The following FAM241A variants were observed in gnomAD, a reference collection of about 807,000 sequenced individuals.
The protein encoded by FAM241A is family with sequence similarity 241 member A, also known as uncharacterized protein FAM241A.
Under a neutral mutation model 12.2 loss-of-function variants are expected in FAM241A, and 7 were observed. The ratio of observed to expected loss-of-function variants is 0.58; its 90% CI spans 0.33 to 1.08. The LOEUF (loss-of-function observed/expected upper bound fraction) is 1.08, where lower values mean the gene tolerates loss of function less well. Among genes scored for constraint, FAM241A ranks in the 50% least tolerant of loss-of-function variants. FAM241A has a pLI of 0.04. For missense variants in FAM241A, 161 were observed against 169.7 expected (o/e 0.95, Z 0.29); for synonymous variants, 74 against 68.2 (o/e 1.08, Z -0.42).
At chr4:112,163,436 C>T (rs1578372875) in intron 1 of FAM241A, among the ~76,000 whole-genome samples, 1 of 152,150 alleles carries the variant, frequency 6.6e-6, no homozygotes, top group Admixed American at 6.5e-5. Flanking sequence ...TATACAGAAT[C>T]TACAAAGAAC....
chr4:112,190,282 T>C lies in FAM241A; in HGVS notation c.*3344T>C, dbSNP rs1185913438. ...AGCAATCAAAGGCTATTCGTGTGGT[T>C]CATAGATTGTTTTAATAGTTATTTT... is the stretch of plus-strand genomic sequence containing the variant. On this transcript the variant is annotated 3_prime_UTR_variant, in exon 2 of 2. Coordinates refer to ENST00000309733, the MANE Select transcript of FAM241A (RefSeq NM_152400.3). 2 of 152,224 alleles carry C rather than the reference T, an allele frequency of 1.3e-5. No individual in the cohort carries two copies. The highest frequency in any genetic ancestry group is 2.9e-5 in the Non-Finnish European group (2 of 68,036). The allele number at this position is 152,224 out of a possible 1,614,324, so 9.4% of individuals were successfully genotyped here. A position where few individuals can be genotyped will look rare whatever the true frequency, so the allele number is the denominator to read the frequency against.
chr4:112,170,604 T>C (rs1205263269), intron 1 of FAM241A, among the ~76,000 whole-genome samples: 1 of 152,186 alleles, frequency 6.6e-6, no homozygotes, highest in Non-Finnish European at 1.5e-5. Context: ...GACAAAAGCA[T>C]GAGTCATGTC....
At chr4:112,179,927 A>G (rs1053043345) in intron 1 of FAM241A, among the ~76,000 whole-genome samples, 3 of 127,628 alleles carry the variant, frequency 2.4e-5, no homozygotes, top group Admixed American at 8.3e-5. Flanking sequence ...ATATATATAT[A>G]TATATATATA....
At chr4:112,161,055 A>G (rs565586671) in intron 1 of FAM241A, among the ~76,000 whole-genome samples, 9 of 152,312 alleles carry the variant, frequency 5.9e-5, no homozygotes, top group South Asian at 2.1e-4. Flanking sequence ...AAAATGGACA[A>G]ATAGGCTCAC....
chr4:112,160,696 A>AT (rs1008126458), intron 1 of FAM241A, among the ~76,000 whole-genome samples: 4 of 152,214 alleles, frequency 2.6e-5, no homozygotes, highest in Non-Finnish European at 5.9e-5. Flanking sequence ...TGGTACTGGC[A>AT]TAAAAACAGA....
At chr4:112,158,277 G>T (rs551574257) in intron 1 of FAM241A, among the ~76,000 whole-genome samples, 5 of 152,154 alleles carry the variant, frequency 3.3e-5, no homozygotes, top group African/African-American at 4.8e-5. Flanking sequence ...GGCTTAAGTT[G>T]CTCTAACAAT....
At chr4:112,153,476 A>G (rs1325889727) in intron 1 of FAM241A, among the ~76,000 whole-genome samples, 1 of 152,142 alleles carries the variant, frequency 6.6e-6, no homozygotes, top group Non-Finnish European at 1.5e-5. Flanking sequence ...ACAGCCACCT[A>G]TCTCCGAAAA....
At chr4:112,186,663 C>T (rs753172124) in intron 1 of FAM241A, 30 bp from the exon 2 acceptor site, 1 of 1,564,554 alleles carries the variant, frequency 6.4e-7, no homozygotes, top group South Asian at 1.2e-5. Flanking sequence ...ATGTTATGTT[C>T]ATGTTTTGTC....
At chr4:112,156,773 G>T (rs747907441) in intron 1 of FAM241A, among the ~76,000 whole-genome samples, 1 of 152,184 alleles carries the variant, frequency 6.6e-6, no homozygotes, top group Non-Finnish European at 1.5e-5. Context: ...TGTTAGTTGT[G>T]CATTGAGCTT....
intron 1 of FAM241A, among the ~76,000 whole-genome samples, chr4:112,149,406 ACT>A (rs1387641627): frequency 6.6e-6 from 1 of 151,790 alleles, no homozygotes; most frequent in Non-Finnish European, 1.5e-5. Context: ...CTATGTGAAA[ACT>A]CTCTTTAGGG....
At chr4:112,149,419 C>T (rs1048727557) in intron 1 of FAM241A, among the ~76,000 whole-genome samples, 1 of 152,180 alleles carries the variant, frequency 6.6e-6, no homozygotes, top group Non-Finnish European at 1.5e-5. Flanking sequence ...CTCTTTAGGG[C>T]TGCCAAATAA....
chr4:112,188,196 A>G lies in FAM241A; in HGVS notation c.*1258A>G, dbSNP rs1724084265. The stretch of plus-strand genomic sequence containing the variant: ...CTTTCATCTCAAAGATTATAAAGGA[A>G]AGGGGGGTAGTTAAGATTTAGAATT... On this transcript the variant is annotated 3_prime_UTR_variant, in exon 2 of 2. Transcript: ENST00000309733. 6.6e-6 allele frequency: 1 copy of G among 152,164 alleles called. No individual in the cohort carries two copies. Among genetic ancestry groups the G allele is most frequent in the South Asian group, 2.1e-4 (1 of 4,830 alleles). The allele number at this position is 152,164 out of a possible 1,614,324, so 9.4% of individuals were successfully genotyped here. A position where few individuals can be genotyped will look rare whatever the true frequency, so the allele number is the denominator to read the frequency against.
At chr4:112,162,486 A>C (rs534485493) in intron 1 of FAM241A, among the ~76,000 whole-genome samples, 9 of 152,364 alleles carry the variant, frequency 5.9e-5, no homozygotes, top group African/African-American at 2.2e-4. Flanking sequence ...ATCAATGTGC[A>C]AAAATCACAA....
At chr4:112,173,864 G>A (rs990098220) in intron 1 of FAM241A, among the ~76,000 whole-genome samples, 1 of 152,120 alleles carries the variant, frequency 6.6e-6, no homozygotes, top group South Asian at 2.1e-4. Context: ...AGAACAATGA[G>A]GTAAGGAATT....
chr4:112,161,694 G>A (rs902701538), intron 1 of FAM241A, among the ~76,000 whole-genome samples: 8 of 152,166 alleles, frequency 5.3e-5, no homozygotes, highest in African/African-American at 1.9e-4. Flanking sequence ...AAAAGTCTAG[G>A]ACCAGACGGA....
At position 112,186,933 on chromosome 4, in the gene FAM241A, C is replaced by T. The variant is rs1461626593; in HGVS notation, c.394C>T (p.Gln132Ter). The change falls in exon 2 of 2, where the codon CAG becomes TAG. Residue 132 changes from glutamine (Q) to a stop codon, truncating the protein, a stop_gained. Coordinates refer to ENST00000309733, the MANE Select transcript of FAM241A (RefSeq NM_152400.3). LOFTEE classifies it high-confidence loss of function. ...VLCLVIIYVQ[Q>*] ...TTGCCTTGTTATTATTTATGTGCAA[C>T]AGTAAAACATGGCCGAATTGAATTG... 6.2e-7 allele frequency: 1 copy of T among 1,611,370 alleles called. No individual in the cohort carries two copies. The highest frequency in any genetic ancestry group is 1.3e-5 in the African/African-American group (1 of 74,884).
At chr4:112,174,887 C>G (rs1378636532) in intron 1 of FAM241A, among the ~76,000 whole-genome samples, 4 of 152,204 alleles carry the variant, frequency 2.6e-5, no homozygotes, top group African/African-American at 9.7e-5. Context: ...ACCCCTTACT[C>G]CTTGGAAACC....
intron 1 of FAM241A, among the ~76,000 whole-genome samples, chr4:112,179,914 G>GAGATATATAT (rs1479640205): frequency 3.1e-4 from 37 of 117,770 alleles, no homozygotes; most frequent in African/African-American, 1.2e-3. Flanking sequence ...AAGAAAATGT[G>GAGATATATAT]ATATATATAT....
chr4:112,192,768 C>G lies in FAM241A; in HGVS notation c.*5830C>G. ...TCATTGTTGGACATTTGGGTTGGTT[C>G]CAAGTCTTTGCTATTGTGAATAGTG... On this transcript the variant is annotated 3_prime_UTR_variant, in exon 2 of 2. Transcript: ENST00000309733. 6.6e-6 allele frequency: 1 copy of G among 151,128 alleles called. No individual in the cohort carries two copies. Among genetic ancestry groups the G allele is most frequent in the Admixed American group, 6.6e-5 (1 of 15,170 alleles). 9.4% of individuals were successfully genotyped at this position (151,128 alleles called of 1,614,324 possible).
Sources: allele counts gnomAD v4.1 joint callset (sites outside exome capture counted in the v4.1 genomes callset), GRCh38; gene constraint gnomAD v4.1.1; transcripts MANE v1.5; gene names NCBI Gene and HGNC (gene_info 2026-07-23, HGNC 2026-07-21).